RIMS1: variants seen among roughly 807,000 people sequenced by gnomAD.
RIMS1 encodes the protein regulating synaptic membrane exocytosis 1, also known as regulating synaptic membrane exocytosis protein 1.
Under a neutral mutation model 214.1 loss-of-function variants are expected in RIMS1, and 83 were observed. The ratio of observed to expected loss-of-function variants is 0.39; its 90% CI spans 0.32 to 0.47. The LOEUF is 0.47. Among genes scored for constraint, RIMS1 ranks in the 20% least tolerant of loss-of-function variants. RIMS1 has a pLI of 0.99. For synonymous variants in RIMS1, 793 were observed against 786.8 expected, an observed-to-expected ratio of 1.01 and a Z score of -0.13; for missense variants, 2,050 against 2,161.8, an observed-to-expected ratio of 0.95 and a Z score of 1.03.
chr6:72,396,006 G>A (rs1318344471), intron 31 of RIMS1, among the ~76,000 whole-genome samples: 6 of 151,552 alleles, frequency 4.0e-5, no homozygotes, highest in Non-Finnish European at 8.8e-5. Flanking sequence ...ATACTTTCCA[G>A]AGACCCTCAT....
chr6:72,060,169 A>G (rs1214959410), intron 2 of RIMS1, among the ~76,000 whole-genome samples: 1 of 151,806 alleles, frequency 6.6e-6, no homozygotes, highest in Non-Finnish European at 1.5e-5. Flanking sequence ...GGGTTTCTCC[A>G]TGTTGGTCAG....
chr6:72,158,335 G>T (rs2044731412), intron 4 of RIMS1, among the ~76,000 whole-genome samples: 1 of 140,710 alleles, frequency 7.1e-6, no homozygotes, highest in Non-Finnish European at 1.6e-5. Context: ...GTTATGTTGA[G>T]AAGTTAGTTA....
chr6:72,209,476 C>CT (rs1236847932), intron 6 of RIMS1, among the ~76,000 whole-genome samples: 3 of 152,204 alleles, frequency 2.0e-5, no homozygotes, highest in Non-Finnish European at 4.4e-5. Flanking sequence ...ATTTTGCCTT[C>CT]TATCTTGTTA....
intron 1 of RIMS1, among the ~76,000 whole-genome samples, chr6:71,906,047 C>T (rs1236023982): frequency 6.6e-6 from 1 of 152,138 alleles, no homozygotes; most frequent in East Asian, 1.9e-4. Flanking sequence ...GATTTCCTAA[C>T]ATCAGAATAA....
intron 2 of RIMS1, among the ~76,000 whole-genome samples, chr6:72,025,820 C>T (rs913730946): frequency 6.6e-6 from 1 of 152,184 alleles, no homozygotes; most frequent in Non-Finnish European, 1.5e-5. Context: ...CAGATGTTAG[C>T]TGATGCTATA....
intron 1 of RIMS1, among the ~76,000 whole-genome samples, chr6:71,899,940 G>A (rs889821810): frequency 6.6e-6 from 1 of 152,144 alleles, no homozygotes; most frequent in African/African-American, 2.4e-5. Flanking sequence ...CTCATGATAT[G>A]CTAGGTGTGG....
intron 6 of RIMS1, among the ~76,000 whole-genome samples, chr6:72,222,418 AT>A (rs2058764711): frequency 6.6e-6 from 1 of 152,092 alleles, no homozygotes; most frequent in Non-Finnish European, 1.5e-5. Context: ...CATTCAAAAA[AT>A]ATCAGGAAAT....
At chr6:72,142,997 T>C (rs535119375) in intron 4 of RIMS1, among the ~76,000 whole-genome samples, 1 of 152,286 alleles carries the variant, frequency 6.6e-6, no homozygotes, top group African/African-American at 2.4e-5. Flanking sequence ...TTTTTGCAAA[T>C]TCTTTGATCA....
intron 6 of RIMS1, among the ~76,000 whole-genome samples, chr6:72,183,862 TG>T (rs2048722398): frequency 6.6e-6 from 1 of 152,182 alleles, no homozygotes; most frequent in African/African-American, 2.4e-5. Context: ...AAAATGTACA[TG>T]AATCTATTAT....
rs139558821 is a variant in RIMS1 at position 72,263,660 on chromosome 6, C to A, written c.3117-1315C>A. 190 of 985,296 alleles carry A rather than the reference C, an allele frequency of 1.9e-4. No homozygotes were observed. In the African/African-American group the frequency reaches 3.1e-3, roughly 16 times the overall value. 61.0% of individuals were successfully genotyped at this position (985,296 alleles called of 1,614,324 possible). ...GGAGTTGAAAAGAAGAGTCGACTGTCTAGAAAGGAGGCTAAATCCTTAGTT... is the reference window on the plus strand; with the variant it reads ...GGAGTTGAAAAGAAGAGTCGACTGTATAGAAAGGAGGCTAAATCCTTAGTT... On this transcript the variant is annotated intron_variant, in intron 19 of 33. Coordinates refer to ENST00000521978, the MANE Select transcript of RIMS1 (RefSeq NM_014989.7).
intron 1 of RIMS1, among the ~76,000 whole-genome samples, chr6:71,907,827 G>A (rs1775709394): frequency 1.3e-5 from 2 of 152,140 alleles, no homozygotes; most frequent in African/African-American, 4.8e-5. Flanking sequence ...ACTCTAGTAA[G>A]TTGGATATAT....
chr6:72,368,224 A>T (rs1042745777), intron 29 of RIMS1, among the ~76,000 whole-genome samples: 2 of 151,236 alleles, frequency 1.3e-5, no homozygotes, highest in Non-Finnish European at 2.9e-5. Context: ...TAAGTAAAAA[A>T]GTTTCTTTTT....
chr6:72,208,533 A>G (rs1007409661), intron 6 of RIMS1, among the ~76,000 whole-genome samples: 6 of 152,156 alleles, frequency 3.9e-5, no homozygotes, highest in African/African-American at 1.4e-4. Context: ...TTTGTCTTTT[A>G]CAGAGAAATA....
At chr6:72,183,186 C>T in intron 6 of RIMS1, 37 bp downstream of exon 6, 2 of 1,573,132 alleles carry the variant, frequency 1.3e-6, no homozygotes, top group Non-Finnish European at 8.6e-7. Flanking sequence ...GGACTTCAGC[C>T]AAGTGAAGAG....
chr6:72,037,300 A>G (rs1415937377), intron 2 of RIMS1, among the ~76,000 whole-genome samples: 2 of 152,054 alleles, frequency 1.3e-5, no homozygotes, highest in African/African-American at 4.8e-5. Context: ...ATAGGCAGGC[A>G]TTAAAAAAAA....
chr6:72,124,672 G>A (rs1335245871), intron 4 of RIMS1, among the ~76,000 whole-genome samples: 2 of 151,954 alleles, frequency 1.3e-5, no homozygotes, highest in Non-Finnish European at 2.9e-5. Flanking sequence ...GGCTTTGTTT[G>A]TTTCTTTTTA....
At chr6:72,284,881 T>A (rs2091744871) in intron 24 of RIMS1, among the ~76,000 whole-genome samples, 1 of 152,150 alleles carries the variant, frequency 6.6e-6, no homozygotes, top group South Asian at 2.1e-4. Flanking sequence ...AGTTGTGCAG[T>A]AAGGATGAAA....
At chr6:72,027,521 A>G (rs1465578447) in intron 2 of RIMS1, among the ~76,000 whole-genome samples, 1 of 152,168 alleles carries the variant, frequency 6.6e-6, no homozygotes, top group East Asian at 1.9e-4. Flanking sequence ...ACAATCTAAT[A>G]TAAATATTCC....
chr6:72,063,517 A>C (rs1828470869), intron 2 of RIMS1, among the ~76,000 whole-genome samples: 1 of 152,172 alleles, frequency 6.6e-6, no homozygotes. Context: ...ATACCTTCAA[A>C]CCCTGAAGGA....
Sources: gnomAD v4.1 joint callset for allele counts (sites outside exome capture counted in the v4.1 genomes callset) on GRCh38, gnomAD v4.1.1 for gene constraint, MANE v1.5 for transcripts, NCBI Gene and HGNC (gene_info 2026-07-23, HGNC 2026-07-21) for gene names.